ATP8B4: variants seen among roughly 807,000 people sequenced by gnomAD.
ATP8B4 encodes the protein probable phospholipid-transporting ATPase IM.
A neutral mutation model predicts 145.6 loss-of-function variants in ATP8B4; 133 were observed. The ratio of observed to expected loss-of-function variants is 0.91; its 90% CI spans 0.79 to 1.05. The LOEUF (loss-of-function observed/expected upper bound fraction) is 1.05, where lower values mean the gene tolerates loss of function less well. ATP8B4 is among the 50% of genes least tolerant of loss of function. The pLI, the probability that ATP8B4 is intolerant of heterozygous loss-of-function variation, is 0.00. For synonymous variants in ATP8B4, 507 were observed against 492.9 expected, an observed-to-expected ratio of 1.03 and a Z score of -0.38; for missense variants, 1,458 against 1,425.2, an observed-to-expected ratio of 1.02 and a Z score of -0.37.
chr15:50,099,224 T>C (rs2056189612), intron 2 of ATP8B4, among the ~76,000 whole-genome samples: 1 of 152,252 alleles, frequency 6.6e-6, no homozygotes. Context: ...TTAGGTATTT[T>C]ACCCATAAAC....
chr15:49,878,688 T>G (rs956229038), intron 24 of ATP8B4, among the ~76,000 whole-genome samples: 1 of 152,192 alleles, frequency 6.6e-6, no homozygotes, highest in Non-Finnish European at 1.5e-5. Context: ...ATTTTTGTGA[T>G]TGATCCTCTC....
intron 1 of ATP8B4, among the ~76,000 whole-genome samples, chr15:50,181,754 G>C (rs1268751166): frequency 6.6e-6 from 1 of 152,200 alleles, no homozygotes; most frequent in Admixed American, 6.5e-5. Flanking sequence ...AACAAAGAGA[G>C]ACCAGGCGGA....
chr15:50,011,278 C>G (rs139599786), intron 6 of ATP8B4, among the ~76,000 whole-genome samples: 2 of 152,276 alleles, frequency 1.3e-5, no homozygotes, highest in Admixed American at 1.3e-4. Context: ...ACATCATTGC[C>G]ATTGCCTCAG....
chr15:49,985,836 G>A (rs1370405242), intron 10 of ATP8B4, among the ~76,000 whole-genome samples: 1 of 152,086 alleles, frequency 6.6e-6, no homozygotes, highest in Non-Finnish European at 1.5e-5. Context: ...TTATCTCACT[G>A]AGCCTTTAAA....
intron 1 of ATP8B4, among the ~76,000 whole-genome samples, chr15:50,148,777 GATA>G (rs1347602415): frequency 3.9e-5 from 6 of 152,236 alleles, no homozygotes; most frequent in East Asian, 1.9e-4. Flanking sequence ...ATTCATATTA[GATA>G]ATAATATTAA....
At chr15:50,081,698 T>C (rs2054568263) in intron 2 of ATP8B4, among the ~76,000 whole-genome samples, 1 of 152,236 alleles carries the variant, frequency 6.6e-6, no homozygotes, top group South Asian at 2.1e-4. Flanking sequence ...GGTCTGCTAA[T>C]AAGAGCAAGA....
chr15:50,123,501 A>G (rs1162325194), upstream of ATP8B4, among the ~76,000 whole-genome samples: 1 of 152,144 alleles, frequency 6.6e-6, no homozygotes, highest in Non-Finnish European at 1.5e-5. Flanking sequence ...CCAGGAACAG[A>G]AGACAGCAAG....
Position 50,162,814 on chromosome 15 carries a change from G to GT in ATP8B4, c.-43+19446dup, listed in dbSNP as rs534214364. ...AGCCACCGCGCCCGGCCTCTTTTTT[G>GT]TTTTTTTTCTTGTTTCCTCTGTGTA... On this transcript the variant is annotated intron_variant, in intron 1 of 3. Coordinates refer to the ATP8B4 transcript ENST00000558829. Among the ~76,000 whole-genome samples the GT allele has an allele frequency of 4.2e-3, 635 of 151,842 alleles. 2 individuals are homozygous for GT. Among genetic ancestry groups the GT allele is most frequent in the Non-Finnish European group, 7.9e-3 (537 of 67,926 alleles).
At chr15:50,001,644 C>T (rs1456783667) in intron 8 of ATP8B4, among the ~76,000 whole-genome samples, 2 of 151,906 alleles carry the variant, frequency 1.3e-5, no homozygotes, top group Non-Finnish European at 2.9e-5. Flanking sequence ...TTATGCCAGA[C>T]AAACTAAATC....
intron 6 of ATP8B4, among the ~76,000 whole-genome samples, chr15:50,013,229 A>T (rs534450421): frequency 6.6e-6 from 1 of 152,184 alleles, no homozygotes; most frequent in African/African-American, 2.4e-5. Context: ...TTGAAACATG[A>T]AAGCAGACAC....
chr15:50,085,963 T>TTATATATGATATATATCATATATATA (rs1567331360), intron 2 of ATP8B4, among the ~76,000 whole-genome samples: 1 of 53,802 alleles, frequency 1.9e-5, no homozygotes, highest in Non-Finnish European at 3.1e-5. Context: ...TCATATATAT[T>TTATATATGATATATATCATATATATA]TATATATGAT....
chr15:50,074,613 T>A (rs891499642), intron 2 of ATP8B4, among the ~76,000 whole-genome samples: 3 of 152,070 alleles, frequency 2.0e-5, no homozygotes, highest in Non-Finnish European at 4.4e-5. Context: ...GCCAGTGAGG[T>A]CACTGACCTT....
chr15:49,952,399 T>C (rs2043183772), intron 14 of ATP8B4, among the ~76,000 whole-genome samples: 1 of 152,198 alleles, frequency 6.6e-6, no homozygotes, highest in African/African-American at 2.4e-5. Context: ...TTACTTTTCG[T>C]TCTTTTTTTC....
intron 1 of ATP8B4, among the ~76,000 whole-genome samples, chr15:50,146,622 G>C (rs1311299154): frequency 6.6e-6 from 1 of 152,174 alleles, no homozygotes; most frequent in African/African-American, 2.4e-5. Flanking sequence ...TAAACATATT[G>C]ATCTTGCTGG....
At chr15:50,177,019 A>G (rs1466753667) in intron 1 of ATP8B4, among the ~76,000 whole-genome samples, 1 of 152,174 alleles carries the variant, frequency 6.6e-6, no homozygotes, top group East Asian at 1.9e-4. Context: ...CTATACTCAA[A>G]TGGTACCATG....
intron 6 of ATP8B4, among the ~76,000 whole-genome samples, chr15:50,034,180 C>T (rs929888930): frequency 1.0e-4 from 15 of 150,630 alleles, no homozygotes; most frequent in African/African-American, 2.4e-4. Flanking sequence ...TTCCCACCAA[C>T]GGTGTATAGA....
chr15:50,025,620 A>T (rs2049949348), intron 6 of ATP8B4, among the ~76,000 whole-genome samples: 1 of 151,594 alleles, frequency 6.6e-6, no homozygotes, highest in Admixed American at 6.6e-5. Context: ...GCTTCACCTC[A>T]CCTCTACCAA....
At chr15:49,935,435 T>A (rs2041651551) in intron 14 of ATP8B4, among the ~76,000 whole-genome samples, 1 of 152,092 alleles carries the variant, frequency 6.6e-6, no homozygotes, top group Non-Finnish European at 1.5e-5. Context: ...TTAATATAAT[T>A]CTGGATTATT....
At chr15:50,135,447 G>A (rs1019254182) in intron 1 of ATP8B4, among the ~76,000 whole-genome samples, 1 of 152,102 alleles carries the variant, frequency 6.6e-6, no homozygotes, top group Admixed American at 6.6e-5. Flanking sequence ...ATTGCGGCTT[G>A]CGGGAATTGC....
Sources: allele counts gnomAD v4.1 joint callset (sites outside exome capture counted in the v4.1 genomes callset), GRCh38; gene constraint gnomAD v4.1.1; transcripts MANE v1.5; gene names NCBI Gene and HGNC (gene_info 2026-07-23, HGNC 2026-07-21).